KCNIP4: variants seen among roughly 807,000 people sequenced by gnomAD.
KCNIP4 encodes potassium voltage-gated channel interacting protein 4.
KCNIP4 carries 12 observed loss-of-function variants against 34.0 expected under a neutral mutation model. The ratio of observed to expected loss-of-function variants is 0.35; its 90% CI spans 0.23 to 0.57. The LOEUF (loss-of-function observed/expected upper bound fraction) is 0.57, where lower values mean the gene tolerates loss of function less well. KCNIP4 is among the 20% of genes least tolerant of loss of function. The pLI is 0.83. For missense variants in KCNIP4, 238 were observed against 311.7 expected (o/e 0.76, Z 1.78); for synonymous variants, 124 against 102.2 (o/e 1.21, Z -1.29).
At chr4:20,975,944 T>C (rs1412921891) in intron 1 of KCNIP4, among the ~76,000 whole-genome samples, 2 of 152,188 alleles carry the variant, frequency 1.3e-5, no homozygotes, top group Admixed American at 1.3e-4. Flanking sequence ...GCCACACCTA[T>C]CTGTTTGCAT....
intron 1 of KCNIP4, among the ~76,000 whole-genome samples, chr4:21,193,799 C>G (rs1034394994): frequency 2.0e-5 from 3 of 152,070 alleles, no homozygotes; most frequent in African/African-American, 7.2e-5. Flanking sequence ...TCTCGATCTC[C>G]TGACCTCGTG....
intron 3 of KCNIP4, among the ~76,000 whole-genome samples, chr4:20,763,824 C>T (rs1487345961): frequency 6.6e-6 from 1 of 152,138 alleles, no homozygotes; most frequent in Non-Finnish European, 1.5e-5. Flanking sequence ...TGCCAAAGTG[C>T]TGGGATTACA....
In KCNIP4 at chr4:21,028,981, T is replaced by G. The variant is rs187814424; in HGVS notation, c.62-146272A>C. ...CCTGTGCTCTTGTGTGGAGCATGAG[T>G]GGCTAACCACTGAATTATATTCCTT... On this transcript the variant is annotated intron_variant, in intron 1 of 8. Coordinates refer to ENST00000382152, the MANE Select transcript of KCNIP4 (RefSeq NM_025221.6). Among the ~76,000 whole-genome samples, 12 of 152,296 alleles carry G rather than the reference T, an allele frequency of 7.9e-5. No individual in the cohort carries two copies. The East Asian group carries it at 2.1e-3, about 27-fold the overall frequency.
intron 1 of KCNIP4, among the ~76,000 whole-genome samples, chr4:21,098,101 C>G (rs73802481): frequency 0.16 from 24,242 of 152,090 alleles, 2,036 homozygotes; most frequent in East Asian, 0.23. Context: ...AAGTCAAATC[C>G]AGAATAAAGT....
intron 1 of KCNIP4, among the ~76,000 whole-genome samples, chr4:21,090,253 A>T (rs183008626): frequency 1.3e-5 from 2 of 152,194 alleles, no homozygotes; most frequent in African/African-American, 4.8e-5. Flanking sequence ...TGAGCTCCAT[A>T]AGGGTAACTA....
chr4:20,890,044 G>A lies in KCNIP4; in HGVS notation c.62-7335C>T, dbSNP rs377385699. Among the ~76,000 whole-genome samples the A allele has an allele frequency of 1.7e-4, 26 of 152,156 alleles. No individual in the cohort carries two copies. In the South Asian group the frequency reaches 3.5e-3, roughly 21 times the overall value. On this transcript the variant is annotated intron_variant, in intron 1 of 8. Transcript: ENST00000382152. ...CCTGCTGTCTAGAATCTAACCATCT[G>A]CATCTATTATAATACCTATGACATT... is the stretch of plus-strand genomic sequence containing the variant.
intron 1 of KCNIP4, among the ~76,000 whole-genome samples, chr4:21,066,265 T>C (rs1577628102): frequency 1.3e-5 from 2 of 152,116 alleles, no homozygotes; most frequent in East Asian, 1.9e-4. Flanking sequence ...AGTATTCCTT[T>C]TAGGGCTAAG....
At chr4:21,763,728 A>G (rs1456780909) in intron 1 of KCNIP4, among the ~76,000 whole-genome samples, 5 of 152,156 alleles carry the variant, frequency 3.3e-5, no homozygotes, top group Non-Finnish European at 7.4e-5. Flanking sequence ...CATAAGTAGA[A>G]TGCTTCTTCC....
intron 1 of KCNIP4, among the ~76,000 whole-genome samples, chr4:21,344,502 T>C (rs1359665819): frequency 6.6e-6 from 1 of 152,074 alleles, no homozygotes; most frequent in Non-Finnish European, 1.5e-5. Flanking sequence ...GGCAGATAAA[T>C]TATATTTGTT....
intron 1 of KCNIP4, among the ~76,000 whole-genome samples, chr4:21,108,770 G>A (rs552022021): frequency 1.4e-3 from 210 of 152,024 alleles, no homozygotes; most frequent in African/African-American, 4.9e-3. Context: ...GTACAGATGG[G>A]TTTTTGGTGT....
intron 1 of KCNIP4, among the ~76,000 whole-genome samples, chr4:21,788,585 G>A (rs73105909): frequency 0.11 from 17,330 of 152,080 alleles, 2,950 homozygotes; most frequent in African/African-American, 0.37. Flanking sequence ...AAAGGGTAGC[G>A]GGCTAAGGCA....
intron 1 of KCNIP4, among the ~76,000 whole-genome samples, chr4:20,929,084 A>G (rs1038141029): frequency 1.3e-5 from 2 of 152,044 alleles, no homozygotes; most frequent in Non-Finnish European, 2.9e-5. Flanking sequence ...CACAAAAAAG[A>G]AAACTATAGG....
intron 3 of KCNIP4, among the ~76,000 whole-genome samples, chr4:20,764,807 G>A (rs569318851): frequency 6.6e-6 from 1 of 152,196 alleles, no homozygotes; most frequent in Admixed American, 6.5e-5. Context: ...AGGTCCCTCC[G>A]AGGCATAAAG....
At position 21,651,377 on chromosome 4, in the gene KCNIP4, T is replaced by C. The variant is rs1168465490; in HGVS notation, c.61+297194A>G. ...CAGGAAATATGGATGTTCACATGAGTGATGACTGCCATCTAATGAAGATTA... is the reference window on the plus strand; with the variant it reads ...CAGGAAATATGGATGTTCACATGAGCGATGACTGCCATCTAATGAAGATTA... On this transcript the variant is annotated intron_variant, in intron 1 of 8. Coordinates refer to ENST00000382152, the MANE Select transcript of KCNIP4 (RefSeq NM_025221.6). Among the ~76,000 whole-genome samples, 4 of 152,076 alleles carry C rather than the reference T, an allele frequency of 2.6e-5. No homozygotes were observed. The East Asian group carries it at 7.7e-4, about 29-fold the overall frequency.
At chr4:20,863,000 G>A (rs1262014502) in intron 2 of KCNIP4, among the ~76,000 whole-genome samples, 1 of 152,080 alleles carries the variant, frequency 6.6e-6, no homozygotes, top group Non-Finnish European at 1.5e-5. Flanking sequence ...AAGAGGATTA[G>A]GAAAAATAAC....
chr4:21,260,249 G>A (rs1761384499), intron 1 of KCNIP4, among the ~76,000 whole-genome samples: 1 of 152,118 alleles, frequency 6.6e-6, no homozygotes, highest in Non-Finnish European at 1.5e-5. Context: ...GGCTTTTAAT[G>A]TACCAATGAA....
chr4:20,916,150 G>A (rs1345070104), intron 1 of KCNIP4, among the ~76,000 whole-genome samples: 1 of 152,010 alleles, frequency 6.6e-6, no homozygotes, highest in Non-Finnish European at 1.5e-5. Context: ...TTACTTTGTG[G>A]TCATACCACA....
chr4:20,792,197 A>C (rs1712843903), intron 3 of KCNIP4, among the ~76,000 whole-genome samples: 1 of 152,086 alleles, frequency 6.6e-6, no homozygotes, highest in African/African-American at 2.4e-5. Flanking sequence ...AACATGGTGA[A>C]ACTCTGTCTC....
intron 1 of KCNIP4, among the ~76,000 whole-genome samples, chr4:20,962,488 A>T: frequency 6.6e-6 from 1 of 152,146 alleles, no homozygotes. Flanking sequence ...GGTAAAGGTG[A>T]TGTTATTTAC....
Sources: allele counts gnomAD v4.1 joint callset (sites outside exome capture counted in the v4.1 genomes callset), GRCh38; gene constraint gnomAD v4.1.1; transcripts MANE v1.5; gene names NCBI Gene and HGNC (gene_info 2026-07-23, HGNC 2026-07-21).